The following IL3RA variants were observed in gnomAD, a reference collection of about 807,000 sequenced individuals.
The protein encoded by IL3RA is interleukin-3 receptor subunit alpha.
A neutral mutation model predicts 52.3 loss-of-function variants in IL3RA; 73 were observed. That is an observed-to-expected ratio of 1.40 (90% CI 1.16 to 1.70). The LOEUF (loss-of-function observed/expected upper bound fraction) is 1.70, where lower values mean the gene tolerates loss of function less well. Among genes scored for constraint, IL3RA ranks in the 40% most tolerant of loss-of-function variants. IL3RA has a pLI of 0.00. For missense variants in IL3RA, 664 were observed against 504.4 expected, an observed-to-expected ratio of 1.32 and a Z score of -3.03; for synonymous variants, 260 against 194.0, an observed-to-expected ratio of 1.34 and a Z score of -2.83.
chrX:1,378,988 A>G (rs1174116979), intron 10 of IL3RA, among the ~76,000 whole-genome samples: 1 of 146,374 alleles, frequency 6.8e-6, no homozygotes, highest in Non-Finnish European at 1.5e-5. Flanking sequence ...GATTACAGGC[A>G]CCCAGCAACA....
chrX:1,382,101 AC>A (rs2089204826), intron 11 of IL3RA, among the ~76,000 whole-genome samples: 1 of 151,034 alleles, frequency 6.6e-6, no homozygotes, highest in East Asian at 2.0e-4. Flanking sequence ...ACAGGCATGC[AC>A]CAACACACCC....
chrX:1,381,682 C>G (rs1321915790), intron 11 of IL3RA, among the ~76,000 whole-genome samples: 1 of 151,464 alleles, frequency 6.6e-6, no homozygotes, highest in African/African-American at 2.4e-5. Flanking sequence ...GTAGCTGGGA[C>G]TACAGGCACG....
At chrX:1,347,909 C>A (rs192419537) in intron 3 of IL3RA, among the ~76,000 whole-genome samples, 2 of 150,338 alleles carry the variant, frequency 1.3e-5, no homozygotes, top group Non-Finnish European at 3.0e-5. Flanking sequence ...TGGTGGCGGG[C>A]GCCTGTAGTC....
At chrX:1,339,027 T>G (rs1248909911) in intron 1 of IL3RA, among the ~76,000 whole-genome samples, 3 of 152,042 alleles carry the variant, frequency 2.0e-5, no homozygotes, top group African/African-American at 7.2e-5. Flanking sequence ...TTTGTATGTT[T>G]AGTATGTTTT....
At chrX:1,353,195 C>A (rs1383548493) in intron 6 of IL3RA, among the ~76,000 whole-genome samples, 1 of 145,508 alleles carries the variant, frequency 6.9e-6, no homozygotes, top group Admixed American at 6.8e-5. Flanking sequence ...TGGGACCCCC[C>A]ATCATGGGTT....
rs376814536 is a variant in IL3RA at position 1,348,620 on chromosome X, CTG to C, written c.298+79_298+80del. The C allele has an allele frequency of 6.4e-4, 626 of 979,518 alleles. 4 individuals carry two copies. Among genetic ancestry groups the C allele is most frequent in the South Asian group, 4.9e-3 (355 of 71,850 alleles). 60.7% of individuals were successfully genotyped at this position (979,518 alleles called of 1,614,324 possible). ...CCTCTCTCCCTCCCTCTCGCCTTCG[CTG>C]TGTCTTTTTTCTTTTCTTTTTCTCT... On this transcript the variant is annotated intron_variant, in intron 4 of 11. Transcript: ENST00000331035.
chrX:1,382,311 G>C, intron 11 of IL3RA, 80 bp from the exon 12 acceptor site: 1 of 1,206,244 alleles, frequency 8.3e-7, no homozygotes. Flanking sequence ...TCTGAGATGG[G>C]ACAGGCCCCC....
intron 1 of IL3RA, among the ~76,000 whole-genome samples, chrX:1,337,436 C>T (rs1237909684): frequency 6.6e-6 from 1 of 152,200 alleles, no homozygotes; most frequent in Admixed American, 6.6e-5. Context: ...CAGAATGTTC[C>T]AGATGGCTGG....
chrX:1,373,916 A>C (rs1329235447), intron 9 of IL3RA, among the ~76,000 whole-genome samples: 2 of 50,956 alleles, frequency 3.9e-5, no homozygotes, highest in East Asian at 4.0e-4. Flanking sequence ...CCTGGATCTC[A>C]GACCTCCAGC....
intron 8 of IL3RA, among the ~76,000 whole-genome samples, chrX:1,361,781 G>C (rs1231307338): frequency 1.4e-5 from 2 of 146,668 alleles, no homozygotes; most frequent in Non-Finnish European, 1.5e-5. Context: ...AAAAAAATGA[G>C]AGCCGAGAGA....
chrX:1,362,670 C>T (rs2087546290), intron 8 of IL3RA, among the ~76,000 whole-genome samples: 1 of 152,182 alleles, frequency 6.6e-6, no homozygotes, highest in Admixed American at 6.6e-5. Context: ...CCGCTTCTCC[C>T]AGCTCCTGGG....
chrX:1,344,705 A>G (rs760251794), intron 2 of IL3RA, among the ~76,000 whole-genome samples: 43 of 149,790 alleles, frequency 2.9e-4, no homozygotes, highest in East Asian at 8.1e-4. Context: ...CCCGGGAGGT[A>G]GAGGTTGCGG....
At chrX:1,356,471 CAA>C (rs1444790194) in intron 7 of IL3RA, 135 bp downstream of exon 7, 2 of 630,938 alleles carry the variant, frequency 3.2e-6, no homozygotes, top group Non-Finnish European at 5.6e-6. Flanking sequence ...CATTAAAAAA[CAA>C]AAACAAAAAC....
intron 7 of IL3RA, among the ~76,000 whole-genome samples, chrX:1,357,922 A>C (rs1196970844): frequency 1.3e-5 from 2 of 149,162 alleles, no homozygotes; most frequent in African/African-American, 4.9e-5. Context: ...CTAACATGGT[A>C]AAACCCCGTC....
chrX:1,347,252 T>C (rs17885690), intron 3 of IL3RA, among the ~76,000 whole-genome samples: 34,667 of 149,674 alleles, frequency 0.23, 4,516 homozygotes, highest in Middle Eastern at 0.41. Context: ...GAGACCCTCC[T>C]GGCTAACACG....
At chrX:1,340,331 G>A (rs1421457626) in intron 1 of IL3RA, among the ~76,000 whole-genome samples, 1 of 152,102 alleles carries the variant, frequency 6.6e-6, no homozygotes, top group Non-Finnish European at 1.5e-5. Flanking sequence ...AGCCAGGCTG[G>A]TCTTGAACTC....
chrX:1,363,342 C>T (rs1209008461), intron 8 of IL3RA, among the ~76,000 whole-genome samples: 2 of 149,324 alleles, frequency 1.3e-5, no homozygotes, highest in African/African-American at 4.9e-5. Context: ...GCTCTGTCAC[C>T]CAGGCTGGAG....
At chrX:1,363,526 G>T (rs1217469105) in intron 8 of IL3RA, among the ~76,000 whole-genome samples, 1 of 150,944 alleles carries the variant, frequency 6.6e-6, no homozygotes, top group Non-Finnish European at 1.5e-5. Context: ...CTGACCTTGT[G>T]ATCTGCCCGC....
chrX:1,367,776 G>A (rs1296324093), intron 9 of IL3RA, among the ~76,000 whole-genome samples: 2 of 142,700 alleles, frequency 1.4e-5, no homozygotes, highest in African/African-American at 5.1e-5. Context: ...GGTGAGCGGG[G>A]TGCGCGGGCT....
Sources: allele counts gnomAD v4.1 joint callset (sites outside exome capture counted in the v4.1 genomes callset), GRCh38; gene constraint gnomAD v4.1.1; transcripts MANE v1.5; gene names NCBI Gene and HGNC (gene_info 2026-07-23, HGNC 2026-07-21).